The following RPTOR variants were observed in gnomAD, a reference collection of about 807,000 sequenced individuals.
RPTOR encodes regulatory associated protein of MTOR complex 1.
In RPTOR, 21 loss-of-function variants were observed where a neutral mutation model predicts 169.9. The ratio of observed to expected loss-of-function variants is 0.12; its 90% confidence interval spans 0.09 to 0.18. The LOEUF is 0.18. RPTOR is among the 10% of genes least tolerant of loss of function. RPTOR has a pLI of 1.00. For synonymous variants in RPTOR, 732 were observed against 753.2 expected (o/e 0.97, Z 0.46); for missense variants, 1,133 against 1,855.9 (o/e 0.61, Z 7.16).
In RPTOR at chr17:80,823,006, A is replaced by T; in HGVS notation, c.992-73A>T. On this transcript the variant is annotated intron_variant, in intron 8 of 33. Transcript: ENST00000306801. This position sits in a 1 kb window ranked among gnomAD's most constrained non-coding sequence, Gnocchi z 4.5. ...ACTTTAGTAATTTTTGATAGAAGTGAATTTGTGTATTTGGCTTTAAATGCT... is the reference window on the plus strand; with the variant it reads ...ACTTTAGTAATTTTTGATAGAAGTGTATTTGTGTATTTGGCTTTAAATGCT... 6.6e-7 allele frequency: 1 copy of T among 1,524,628 alleles called. No homozygotes were observed. Among genetic ancestry groups the T allele is most frequent in the Non-Finnish European group, 8.9e-7 (1 of 1,125,774 alleles). 94.4% of individuals were successfully genotyped at this position (1,524,628 alleles called of 1,614,324 possible).
chr17:80,655,390 T>A (rs970236378), intron 3 of RPTOR, among the ~76,000 whole-genome samples: 10 of 152,134 alleles, frequency 6.6e-5, no homozygotes, highest in African/African-American at 1.9e-4. Flanking sequence ...TTGTTTTTTT[T>A]AAATTTATTT....
chr17:80,827,337 G>A lies in RPTOR; in HGVS notation c.1136+4114G>A, dbSNP rs1030277247. Among the ~76,000 whole-genome samples, 4 of 152,326 alleles carry A rather than the reference G, an allele frequency of 2.6e-5. 1 individual carries two copies. Among genetic ancestry groups the A allele is most frequent in the South Asian group, 2.1e-4 (1 of 4,832 alleles). On this transcript the variant is annotated intron_variant, in intron 9 of 33. Coordinates refer to ENST00000306801, the MANE Select transcript of RPTOR (RefSeq NM_020761.3). ...CAGACTTGGCAGCTCAGAACAGCAC[G>A]TGGCCTCCAGATCCAGTTCCTGTTG... is the stretch of plus-strand genomic sequence containing the variant.
intron 1 of RPTOR, among the ~76,000 whole-genome samples, chr17:80,597,456 G>A (rs1172413885): frequency 6.6e-6 from 1 of 152,168 alleles, no homozygotes; most frequent in African/African-American, 2.4e-5. Context: ...ACCTTATATT[G>A]TAAAGGCAAT....
Position 80,949,509 on chromosome 17 carries a change from C to G in RPTOR, c.3332C>G (p.Ala1111Gly). Reference protein sequence around the residue: ...DLEKNPEMVTAWQGLSDMLPT... With the variant: ...DLEKNPEMVTGWQGLSDMLPT... ...GAAAAGAACCCAGAGATGGTGACCG[C>G]GTGGCAGGGGCTCTCGGACATGCTG... The change falls in exon 28 of 34, where the codon GCG becomes GGG. Residue 1111 changes from alanine to glycine, a missense_variant. By Grantham distance (60) the Ala-to-Gly change is moderately conservative. This residue lies in a region of RPTOR where 410 missense variants were observed against 623.7 expected (regional missense o/e 0.66). Coordinates refer to ENST00000306801, the MANE Select transcript of RPTOR (RefSeq NM_020761.3). 6 of 1,614,126 alleles carry G rather than the reference C, an allele frequency of 3.7e-6. No homozygotes were observed. Among genetic ancestry groups the G allele is most frequent in the Non-Finnish European group, 5.1e-6 (6 of 1,180,026 alleles).
intron 6 of RPTOR, chr17:80,773,765 G>T (rs2066866820): frequency 1.0e-6 from 1 of 985,364 alleles, no homozygotes; most frequent in Non-Finnish European, 1.2e-6. Context: ...GGGTAGCCTT[G>T]CTGGGGACGT....
chr17:80,644,661 C>A (rs60062832), intron 3 of RPTOR, among the ~76,000 whole-genome samples: 9,872 of 152,132 alleles, frequency 0.065, 1,066 homozygotes, highest in African/African-American at 0.23. Context: ...ATTTATGGAA[C>A]CTTTTGAACA....
At chr17:80,621,163 A>G (rs2065351089) in intron 1 of RPTOR, among the ~76,000 whole-genome samples, 1 of 152,178 alleles carries the variant, frequency 6.6e-6, no homozygotes, top group African/African-American at 2.4e-5. Context: ...TCTAGGTAGC[A>G]TTTGGTGAGT....
intron 11 of RPTOR, among the ~76,000 whole-genome samples, chr17:80,847,762 C>T (rs1281204670): frequency 6.6e-6 from 1 of 152,188 alleles, no homozygotes; most frequent in East Asian, 1.9e-4. Context: ...TGGAGAGGGG[C>T]GTGAGTGGCG....
Position 80,823,314 on chromosome 17 carries a change from C to G in RPTOR, c.1136+91C>G. Reference sequence around the variant, plus strand: ...AATTGCACGGAGCTGGGCAGGGAGGCCCCACACCTAACTTGGGGACCCCGT... The same window carrying G: ...AATTGCACGGAGCTGGGCAGGGAGGGCCCACACCTAACTTGGGGACCCCGT... On this transcript the variant is annotated intron_variant, in intron 9 of 33. Transcript: ENST00000306801. This position sits in a 1 kb window ranked among gnomAD's most constrained non-coding sequence, Gnocchi z 4.5. 6.6e-7 allele frequency: 1 copy of G among 1,506,364 alleles called. No individual in the cohort carries two copies. Among genetic ancestry groups the G allele is most frequent in the Non-Finnish European group, 9.0e-7 (1 of 1,117,068 alleles). 93.3% of individuals were successfully genotyped at this position (1,506,364 alleles called of 1,614,324 possible). A position where few individuals can be genotyped will look rare whatever the true frequency, so the allele number is the denominator to read the frequency against.
At chr17:80,862,063 T>C (rs1027983397) in intron 13 of RPTOR, among the ~76,000 whole-genome samples, 2 of 152,154 alleles carry the variant, frequency 1.3e-5, no homozygotes, top group African/African-American at 4.8e-5. Flanking sequence ...TACACCCTGC[T>C]CCAGGCAGAT....
chr17:80,714,869 G>T (rs1410603763), intron 4 of RPTOR, among the ~76,000 whole-genome samples: 2 of 152,080 alleles, frequency 1.3e-5, no homozygotes, highest in Admixed American at 6.5e-5. Flanking sequence ...GATTACAGGC[G>T]TCCACCACCG....
chr17:80,547,044 A>C (rs917440251), intron 1 of RPTOR, among the ~76,000 whole-genome samples: 1 of 152,138 alleles, frequency 6.6e-6, no homozygotes, highest in African/African-American at 2.4e-5. Flanking sequence ...ACTCCAGCCT[A>C]GGGGACAGAG....
At chr17:80,598,141 C>CAA (rs57626765) in intron 1 of RPTOR, among the ~76,000 whole-genome samples, 1 of 150,166 alleles carries the variant, frequency 6.7e-6, no homozygotes, top group African/African-American at 2.5e-5. Flanking sequence ...AACCCTGTCT[C>CAA]AAAAAAAAAG....
intron 7 of RPTOR, chr17:80,802,173 T>G (rs1432033623): frequency 6.6e-6 from 1 of 152,196 alleles, no homozygotes. Context: ...ATCTTCCGTT[T>G]CCTTCACAGT....
rs549714775 is a variant in RPTOR at position 80,653,569 on chromosome 17, T to G, written c.348+9759T>G. 6.6e-5 allele frequency among the ~76,000 whole-genome samples: 10 copies of G among 152,188 alleles called. No homozygotes were observed. In the East Asian group the frequency reaches 1.7e-3, roughly 26 times the overall value. The stretch of plus-strand genomic sequence containing the variant: ...CCTGTCGGGGTGAGTGCAGGCAGAG[T>G]GGCCGAGGAGCTGGGCCTCTGTGAA... On this transcript the variant is annotated intron_variant, in intron 3 of 33. Coordinates refer to ENST00000306801, the MANE Select transcript of RPTOR (RefSeq NM_020761.3).
At chr17:80,898,952 G>C (rs749772832) in intron 20 of RPTOR, among the ~76,000 whole-genome samples, 2 of 151,980 alleles carry the variant, frequency 1.3e-5, no homozygotes, top group Non-Finnish European at 2.9e-5. Context: ...CAACCCTGTG[G>C]GTGTGCTCCC....
chr17:80,837,292 CCA>C (rs1280288692), intron 9 of RPTOR, among the ~76,000 whole-genome samples: 1 of 152,020 alleles, frequency 6.6e-6, no homozygotes, highest in Non-Finnish European at 1.5e-5. Context: ...CTGGTGAGAC[CCA>C]CAGGGAGGCA....
rs893716904 is a variant in RPTOR at position 80,609,009 on chromosome 17, C to T, written c.163-16682C>T. On this transcript the variant is annotated intron_variant, in intron 1 of 33. Transcript: ENST00000306801. This position sits in a 1 kb window ranked among gnomAD's most constrained non-coding sequence, Gnocchi z 4.8. Reference sequence around the variant, plus strand: ...AGGTGTTACAATGACAAGAAGAAGTCAGAGTGGGCAGGAGGCACTAGGCCA... The same window carrying T: ...AGGTGTTACAATGACAAGAAGAAGTTAGAGTGGGCAGGAGGCACTAGGCCA... Among the ~76,000 whole-genome samples the T allele has an allele frequency of 2.0e-5, 3 of 152,114 alleles. No homozygotes were observed. Among genetic ancestry groups the T allele is most frequent in the African/African-American group, 7.2e-5 (3 of 41,414 alleles).
intron 13 of RPTOR, among the ~76,000 whole-genome samples, chr17:80,864,968 C>T (rs1403522199): frequency 6.6e-6 from 1 of 152,178 alleles, no homozygotes; most frequent in East Asian, 1.9e-4. Context: ...GCCGGGATCA[C>T]GGGCACAAGC....
Sources: gnomAD v4.1 joint callset for allele counts (sites outside exome capture counted in the v4.1 genomes callset) on GRCh38, gnomAD v4.1.1 for gene constraint, gnomAD v4.1.1 regional missense constraint, Gnocchi (gnomAD v3.1) non-coding constraint, MANE v1.5 for transcripts, NCBI Gene and HGNC (gene_info 2026-07-23, HGNC 2026-07-21) for gene names.